SPINK13: variants seen among roughly 807,000 people sequenced by gnomAD.
SPINK13 encodes serine peptidase inhibitor Kazal type 13.
SPINK13 carries 11 observed loss-of-function variants against 11.0 expected under a neutral mutation model. The observed-to-expected ratio is 1.00, with a 90% CI of 0.63 to 1.65. The LOEUF is 1.65. Ranked by LOEUF, SPINK13 falls within the 40% of genes most tolerant of loss-of-function variation. SPINK13 has a pLI of 0.00. For missense variants in SPINK13, 113 were observed against 117.7 expected (o/e 0.96, Z 0.19); for synonymous variants, 31 against 35.6 (o/e 0.87, Z 0.46).
intron 2 of SPINK13, among the ~76,000 whole-genome samples, chr5:148,271,860 G>A (rs1421867799): frequency 3.3e-5 from 5 of 151,598 alleles, no homozygotes; most frequent in African/African-American, 4.8e-5. Context: ...TCCTGACCTC[G>A]TGATCCGCCC....
rs374120567 is a variant in SPINK13 at position 148,282,118 on chromosome 5, G to A, written c.123G>A (p.Met41Ile). The A allele has an allele frequency of 6.2e-7, 1 of 1,614,190 alleles. No individual in the cohort carries two copies. The highest frequency in any genetic ancestry group is 8.5e-7 in the Non-Finnish European group (1 of 1,180,030). ...TGTATTTGCAGCCCCGATGTAAAAT[G>A]TATATCCCACTGGACCCTGATTACA... ...FTRWPKPRCK[M>I]YIPLDPDYNA... The change falls in exon 4 of 5, where the codon ATG becomes ATA. Residue 41 changes from methionine to isoleucine, a missense_variant. Physicochemically the swap from Met to Ile is conservative, Grantham distance 10. Coordinates refer to ENST00000398450, the MANE Select transcript of SPINK13 (RefSeq NM_001040129.3).
chr5:148,271,770 G>A (rs537136320), intron 2 of SPINK13, among the ~76,000 whole-genome samples: 3 of 152,110 alleles, frequency 2.0e-5, no homozygotes, highest in South Asian at 2.1e-4. Flanking sequence ...CACTACAGGC[G>A]CCCGCCACCA....
chr5:148,282,047 A>G, intron 3 of SPINK13, 57 bp from the exon 4 acceptor site: 1 of 1,599,662 alleles, frequency 6.3e-7, no homozygotes, highest in Non-Finnish European at 8.6e-7. Flanking sequence ...AGTGACAGGA[A>G]GAAATAGATG....
At chr5:148,284,319 C>G (rs996360417) in intron 4 of SPINK13, among the ~76,000 whole-genome samples, 2 of 151,552 alleles carry the variant, frequency 1.3e-5, no homozygotes, top group Admixed American at 6.6e-5. Flanking sequence ...TCCTTCCTTC[C>G]TCCCTCTCTC....
intron 4 of SPINK13, among the ~76,000 whole-genome samples, chr5:148,284,700 A>G (rs1486556691): frequency 6.6e-6 from 1 of 152,186 alleles, no homozygotes; most frequent in African/African-American, 2.4e-5. Context: ...TGCTCTTGGC[A>G]GTGTTTTGAG....
chr5:148,269,914 G>T, intron 1 of SPINK13, 126 bp from the exon 2 acceptor site: 1 of 521,414 alleles, frequency 1.9e-6, no homozygotes, highest in South Asian at 6.1e-5. Flanking sequence ...AGTTCCTGGA[G>T]ACCAGGTCAG....
intron 3 of SPINK13, among the ~76,000 whole-genome samples, chr5:148,274,951 T>C (rs527564865): frequency 1.6e-4 from 24 of 152,328 alleles, no homozygotes; most frequent in Admixed American, 1.1e-3. Flanking sequence ...ACCTGCCATG[T>C]GTTCAAAGTC....
intron 2 of SPINK13, 115 bp from the exon 3 acceptor site, chr5:148,274,232 G>T: frequency 1.6e-6 from 1 of 629,568 alleles, no homozygotes; most frequent in Non-Finnish European, 2.7e-6. Flanking sequence ...AAATTCTTTT[G>T]TATATATTTT....
chr5:148,271,014 T>A (rs918886479), intron 2 of SPINK13: 1 of 152,200 alleles, frequency 6.6e-6, no homozygotes, highest in African/African-American at 2.4e-5. Flanking sequence ...GATAATAAAT[T>A]TGTGTTTTGT....
rs1406351221 is a variant in SPINK13, at chr5:148,276,767, T to C, written c.108+2383T>C. ...TTGTCTTGGCTGTATGGGCTCTTTT[T>C]TGGTTCCATATGAAATTCAAAGTAG... On this transcript the variant is annotated intron_variant, in intron 3 of 4. Transcript: ENST00000398450. Among the ~76,000 whole-genome samples, 6 of 152,230 alleles carry C rather than the reference T, an allele frequency of 3.9e-5. No homozygotes were observed. In the East Asian group the frequency reaches 1.2e-3, roughly 29 times the overall value.
Position 148,271,826 on chromosome 5 carries a change from A to C in SPINK13, c.70+1684A>C, listed in dbSNP as rs188185765. ...TTTTTAGTAGAGACGAGGTTTCACC[A>C]TGTTAGCCAGGATGGTCTCCATCTC... is the stretch of plus-strand genomic sequence containing the variant. On this transcript the variant is annotated intron_variant, in intron 2 of 4. Transcript: ENST00000398450. Among the ~76,000 whole-genome samples, 803 of 152,006 alleles carry C rather than the reference A, an allele frequency of 5.3e-3. 7 individuals carry two copies. The highest frequency in any genetic ancestry group is 0.018 in the African/African-American group (766 of 41,492).
intron 3 of SPINK13, among the ~76,000 whole-genome samples, chr5:148,278,989 G>GTTGTATTGA (rs1756472599): frequency 6.7e-6 from 1 of 149,572 alleles, no homozygotes; most frequent in Non-Finnish European, 1.5e-5. Context: ...AGCTCTTCTT[G>GTTGTATTGA]TTGTATTGAT....
intron 2 of SPINK13, among the ~76,000 whole-genome samples, chr5:148,270,392 AT>A (rs993275214): frequency 6.6e-6 from 1 of 152,250 alleles, no homozygotes; most frequent in Admixed American, 6.5e-5. Flanking sequence ...GAAAATTGTG[AT>A]TTTTTTATTG....
At chr5:148,284,530 C>T (rs1181090675) in intron 4 of SPINK13, among the ~76,000 whole-genome samples, 1 of 152,146 alleles carries the variant, frequency 6.6e-6, no homozygotes, top group Non-Finnish European at 1.5e-5. Context: ...AAATTAATTC[C>T]AATGGCAGGA....
At chr5:148,269,975 T>C in intron 1 of SPINK13, 65 bp from the exon 2 acceptor site, 1 of 1,162,546 alleles carries the variant, frequency 8.6e-7, no homozygotes, top group Non-Finnish European at 1.3e-6. Flanking sequence ...TAGGGTATTG[T>C]GTTCTCTCAC....
Position 148,270,111 on chromosome 5 carries a change from A to G in SPINK13, c.39A>G (p.Val13=). The change falls in exon 2 of 5, where the codon GTA becomes GTG. Residue 13 remains valine (V), a synonymous_variant. Coordinates refer to ENST00000398450, the MANE Select transcript of SPINK13 (RefSeq NM_001040129.3). The part of the protein sequence containing the change: ...AFPHKIIFFL[V]CSTLTHVAFS... ...CCCACAAGATTATATTTTTCCTGGT[A>G]TGCTCTACTTTGACACATGTGGCTT... The G allele has an allele frequency of 6.2e-7, 1 of 1,614,116 alleles. No homozygotes were observed. Among genetic ancestry groups the G allele is most frequent in the South Asian group, 1.1e-5 (1 of 91,078 alleles).
chr5:148,275,782 TC>T (rs1756418259), intron 3 of SPINK13, among the ~76,000 whole-genome samples: 1 of 151,814 alleles, frequency 6.6e-6, no homozygotes, highest in Non-Finnish European at 1.5e-5. Context: ...TGCCTCAGCC[TC>T]CCGAGTAGCT....
At chr5:148,273,015 G>A (rs763704444) in intron 2 of SPINK13, among the ~76,000 whole-genome samples, 2 of 152,078 alleles carry the variant, frequency 1.3e-5, no homozygotes, top group Non-Finnish European at 2.9e-5. Flanking sequence ...AATCTGATAC[G>A]TGATAAATGG....
intron 3 of SPINK13, among the ~76,000 whole-genome samples, chr5:148,280,045 CTG>C (rs1756489830): frequency 6.6e-6 from 1 of 152,074 alleles, no homozygotes; most frequent in Non-Finnish European, 1.5e-5. Context: ...TCTTCAATCT[CTG>C]ATATCCTTTC....
Sources: gnomAD v4.1 joint callset for allele counts (sites outside exome capture counted in the v4.1 genomes callset) on GRCh38, gnomAD v4.1.1 for gene constraint, MANE v1.5 for transcripts, NCBI Gene and HGNC (gene_info 2026-07-23, HGNC 2026-07-21) for gene names.